The following FAM227A variants were observed in gnomAD, a reference collection of about 807,000 sequenced individuals.
The protein encoded by FAM227A is family with sequence similarity 227 member A, also known as protein FAM227A.
In FAM227A, 80 loss-of-function variants were observed where a neutral mutation model predicts 74.7. That is an observed-to-expected ratio of 1.07 (90% CI 0.89 to 1.29). The LOEUF is 1.29. Among genes scored for constraint, FAM227A ranks in the 50% most tolerant of loss-of-function variants. The pLI is 0.00. For missense variants in FAM227A, 654 were observed against 683.4 expected (o/e 0.96, Z 0.48); for synonymous variants, 237 against 241.8 (o/e 0.98, Z 0.19).
intron 10 of FAM227A, among the ~76,000 whole-genome samples, chr22:38,621,848 C>T (rs909594000): frequency 5.3e-5 from 8 of 152,236 alleles, no homozygotes; most frequent in Admixed American, 2.0e-4. Context: ...AATCTCAGCT[C>T]AAACGCCACG....
rs2090682149 is a variant in FAM227A, at chr22:38,578,728, C to G, written c.*7397G>C. ...GGTGGCCCTTAGCTTGGGGCTGGATCAGTGAGGATTTGTCAATCGGGCAGG... is the reference window on the plus strand; with the variant it reads ...GGTGGCCCTTAGCTTGGGGCTGGATGAGTGAGGATTTGTCAATCGGGCAGG... On this transcript the variant is annotated 3_prime_UTR_variant, in exon 17 of 17. Coordinates refer to ENST00000535113, the MANE Select transcript of FAM227A (RefSeq NM_001013647.2). The G allele has an allele frequency of 6.6e-6, 1 of 152,184 alleles. No homozygotes were observed. Among genetic ancestry groups the G allele is most frequent in the South Asian group, 2.1e-4 (1 of 4,824 alleles). 9.4% of individuals were successfully genotyped at this position (152,184 alleles called of 1,614,324 possible).
chr22:38,655,295 C>T (rs6001183), intron 1 of FAM227A, among the ~76,000 whole-genome samples: 4 of 151,892 alleles, frequency 2.6e-5, no homozygotes, highest in South Asian at 2.1e-4. Context: ...TTTGGGAGGC[C>T]GAGTCAAGCA....
intron 8 of FAM227A, among the ~76,000 whole-genome samples, chr22:38,627,630 A>G (rs2091836736): frequency 6.6e-6 from 1 of 151,850 alleles, no homozygotes; most frequent in Non-Finnish European, 1.5e-5. Flanking sequence ...TTTGAGGCAG[A>G]GTCTCACTCT....
In FAM227A at chr22:38,586,114, T is replaced by C. The variant is rs1424077749; in HGVS notation, c.*11A>G. 1.3e-6 allele frequency: 2 copies of C among 1,552,094 alleles called. No homozygotes were observed. The highest frequency in any genetic ancestry group is 1.2e-5 in the South Asian group (1 of 84,058). Reference sequence around the variant, plus strand: ...CTGTAGGCGCTTCCTGGTTCTAGGTTGTGGAGCTCCTCAGGGCTTGGAAGT... The same window carrying C: ...CTGTAGGCGCTTCCTGGTTCTAGGTCGTGGAGCTCCTCAGGGCTTGGAAGT... On this transcript the variant is annotated 3_prime_UTR_variant, in exon 17 of 17. Coordinates refer to ENST00000535113, the MANE Select transcript of FAM227A (RefSeq NM_001013647.2).
At chr22:38,599,986 A>ACC in intron 13 of FAM227A, 65 bp from the exon 14 acceptor site, 1 of 1,400,116 alleles carries the variant, frequency 7.1e-7, no homozygotes, top group South Asian at 1.5e-5. Context: ...ATTAAGAACC[A>ACC]GAAAGGCATC....
At chr22:38,603,534 CT>C (rs2091220999) in intron 13 of FAM227A, among the ~76,000 whole-genome samples, 1 of 152,050 alleles carries the variant, frequency 6.6e-6, no homozygotes, top group Non-Finnish European at 1.5e-5. Flanking sequence ...ATGGGCACCC[CT>C]CTCCTCATCT....
At chr22:38,589,138 G>A (rs1187969266) in intron 16 of FAM227A, among the ~76,000 whole-genome samples, 1 of 152,114 alleles carries the variant, frequency 6.6e-6, no homozygotes, top group Non-Finnish European at 1.5e-5. Flanking sequence ...AAGAATAGAT[G>A]CAGACAGACA....
intron 8 of FAM227A, among the ~76,000 whole-genome samples, chr22:38,627,749 A>C (rs929430880): frequency 3.9e-4 from 59 of 151,834 alleles, no homozygotes; most frequent in African/African-American, 1.4e-3. Context: ...ATTACAGGCA[A>C]CTGCCACTCA....
At chr22:38,641,551 CAAA>C (rs34059145) in intron 3 of FAM227A, among the ~76,000 whole-genome samples, 7 of 109,194 alleles carry the variant, frequency 6.4e-5, no homozygotes, top group East Asian at 2.6e-4. Context: ...AACTCCATCT[CAAA>C]AAAAAAAAAA....
intron 9 of FAM227A, among the ~76,000 whole-genome samples, chr22:38,624,790 T>C (rs966331771): frequency 5.3e-5 from 8 of 152,166 alleles, no homozygotes; most frequent in African/African-American, 1.9e-4. Flanking sequence ...GGGAGGGGCA[T>C]AAGGAAGTCT....
intron 1 of FAM227A, among the ~76,000 whole-genome samples, chr22:38,650,771 C>A (rs1010171261): frequency 6.6e-6 from 1 of 152,150 alleles, no homozygotes; most frequent in Non-Finnish European, 1.5e-5. Flanking sequence ...TGGCCCCAAC[C>A]CTACTCTTCC....
intron 3 of FAM227A, 33 bp downstream of exon 3, chr22:38,645,530 A>G (rs1257631565): frequency 1.3e-6 from 2 of 1,490,366 alleles, no homozygotes; most frequent in Admixed American, 2.0e-5. Context: ...CCCTGTCAGA[A>G]GCTTTGTCTC....
At chr22:38,597,958 G>A (rs5750634) in intron 14 of FAM227A, among the ~76,000 whole-genome samples, 38,026 of 149,614 alleles carry the variant, frequency 0.25, 5,166 homozygotes, top group East Asian at 0.36. Flanking sequence ...CAGGAGAATC[G>A]CTTGAACCCA....
At chr22:38,631,214 AG>A (rs1359003976) in intron 6 of FAM227A, among the ~76,000 whole-genome samples, 1 of 152,218 alleles carries the variant, frequency 6.6e-6, no homozygotes, top group Non-Finnish European at 1.5e-5. Flanking sequence ...CCATAAAAAA[AG>A]AATGATATCG....
chr22:38,646,394 G>C (rs1317916058), intron 2 of FAM227A, among the ~76,000 whole-genome samples: 1 of 145,628 alleles, frequency 6.9e-6, no homozygotes, highest in Non-Finnish European at 1.5e-5. Context: ...CAAGTAGCTG[G>C]GACTACAGGC....
chr22:38,596,888 A>AG (rs1400841713), intron 15 of FAM227A, among the ~76,000 whole-genome samples: 1 of 152,180 alleles, frequency 6.6e-6, no homozygotes, highest in Admixed American at 6.5e-5. Flanking sequence ...ATATGGGCCC[A>AG]GAAAAAAAAG....
rs370045921 is a variant in FAM227A, at chr22:38,639,689, T to C, written c.261A>G (p.Leu87=). 120 of 1,551,756 alleles carry C rather than the reference T, an allele frequency of 7.7e-5. No homozygotes were observed. In the African/African-American group the frequency reaches 1.3e-3, roughly 16 times the overall value. Residue 87 remains leucine (L), a synonymous_variant, in exon 4 of 17, where the codon TTA becomes TTG. Coordinates refer to ENST00000535113, the MANE Select transcript of FAM227A (RefSeq NM_001013647.2). ...CTGGACTGCTGCGAGTTTTCTCTCTTAAAGCCTTCTTCTCCAACTCAAATC... is the reference window on the plus strand; with the variant it reads ...CTGGACTGCTGCGAGTTTTCTCTCTCAAAGCCTTCTTCTCCAACTCAAATC... ...IERFELEKKA[L]REKTRSSPED... is the part of the protein sequence containing the mutation.
In FAM227A at chr22:38,578,205, AC is replaced by A. The variant is rs2090677540; in HGVS notation, c.*7919del. ...GGCAGGCAACACAGTACATTTGTTCACACCAACATCACCACAAACACGTGAC... is the reference window on the plus strand; with the variant it reads ...GGCAGGCAACACAGTACATTTGTTCAACCAACATCACCACAAACACGTGAC... On this transcript the variant is annotated 3_prime_UTR_variant, in exon 17 of 17. Transcript: ENST00000535113. The A allele has an allele frequency of 6.6e-6, 1 of 152,166 alleles. No homozygotes were observed. The allele number at this position is 152,166 out of a possible 1,614,324, so 9.4% of individuals were successfully genotyped here.
rs1253772809 is a variant in FAM227A, at chr22:38,581,463, A to G, written c.*4662T>C. The G allele has an allele frequency of 1.3e-5, 2 of 152,162 alleles. No individual in the cohort carries two copies. Among genetic ancestry groups the G allele is most frequent in the Non-Finnish European group, 2.9e-5 (2 of 68,050 alleles). 9.4% of individuals were successfully genotyped at this position (152,162 alleles called of 1,614,324 possible). A position where few individuals can be genotyped will look rare whatever the true frequency, so the allele number is the denominator to read the frequency against. ...AAATATATACACATATTTTTGAGAC[A>G]GAGTCTCACTGTGTTGTCCAGGCTG... is the stretch of plus-strand genomic sequence containing the variant. On this transcript the variant is annotated 3_prime_UTR_variant, in exon 17 of 17. Transcript: ENST00000535113.
Sources: gnomAD v4.1 joint callset for allele counts (sites outside exome capture counted in the v4.1 genomes callset) on GRCh38, gnomAD v4.1.1 for gene constraint, MANE v1.5 for transcripts, NCBI Gene and HGNC (gene_info 2026-07-23, HGNC 2026-07-21) for gene names.